Variants in DOCK3 observed in about 807,000 individuals in gnomAD.
The protein encoded by DOCK3 is dedicator of cytokinesis 3, also known as dedicator of cytokinesis protein 3.
A neutral mutation model predicts 265.6 loss-of-function variants in DOCK3; 60 were observed. The ratio of observed to expected loss-of-function variants is 0.23; its 90% CI spans 0.18 to 0.28. The LOEUF is 0.28. Ranked by LOEUF, DOCK3 falls within the 10% of genes least tolerant of loss-of-function variation. The probability of loss-of-function intolerance (pLI) is 1.00; values close to 1 mark genes in which losing one functional copy is unlikely to be tolerated. For synonymous variants in DOCK3, 881 were observed against 938.0 expected (o/e 0.94, Z 1.11); for missense variants, 1,981 against 2,594.3 (o/e 0.76, Z 5.14).
chr3:50,723,441 C>T (rs1401325634), intron 1 of DOCK3, among the ~76,000 whole-genome samples: 5 of 151,960 alleles, frequency 3.3e-5, no homozygotes, highest in Non-Finnish European at 5.9e-5. Flanking sequence ...GAGGCTGAGG[C>T]GGGGGGATCA....
At position 51,121,149 on chromosome 3, in the gene DOCK3, G is replaced by C. The variant is rs570877187; in HGVS notation, c.747-25400G>C. On this transcript the variant is annotated intron_variant, in intron 9 of 52. Transcript: ENST00000266037. The stretch of plus-strand genomic sequence containing the variant: ...GGCATCCGTGGGAATCTTCTAGTCT[G>C]TGTGTTGCAAAGACCATAGGAAAAG... Among the ~76,000 whole-genome samples, 13 of 152,310 alleles carry C rather than the reference G, an allele frequency of 8.5e-5. No homozygotes were observed. The East Asian group carries it at 2.3e-3, about 27-fold the overall frequency.
intron 32 of DOCK3, among the ~76,000 whole-genome samples, chr3:51,320,182 G>A (rs2083612081): frequency 6.6e-6 from 1 of 152,160 alleles, no homozygotes; most frequent in Admixed American, 6.5e-5. Context: ...AGCCAAAGCA[G>A]GGTGGGGCAT....
At chr3:50,994,589 A>C (rs1456392537) in intron 5 of DOCK3, among the ~76,000 whole-genome samples, 1 of 152,222 alleles carries the variant, frequency 6.6e-6, no homozygotes, top group Non-Finnish European at 1.5e-5. Context: ...TATGTCAAAA[A>C]ATGGGGATGA....
chr3:50,942,936 A>C (rs1392038151), intron 5 of DOCK3, among the ~76,000 whole-genome samples: 1 of 152,036 alleles, frequency 6.6e-6, no homozygotes, highest in African/African-American at 2.4e-5. Context: ...AAATGAGTGG[A>C]AAATATTCCA....
At position 50,863,344 on chromosome 3, in the gene DOCK3, G is replaced by A. The variant is rs1208290721; in HGVS notation, c.162+21629G>A. On this transcript the variant is annotated intron_variant, in intron 3 of 52. Coordinates refer to ENST00000266037, the MANE Select transcript of DOCK3 (RefSeq NM_004947.5). ...TCTGAGGGGAATGCAGATAGCCTGT[G>A]TGAGCTGGCTACCCGGTTCTTTGTG... The A allele has an allele frequency of 5.2e-5, 26 of 504,148 alleles. 1 individual carries two copies. Among genetic ancestry groups the A allele is most frequent in the Non-Finnish European group, 8.7e-5 (22 of 252,570 alleles). 31.2% of individuals were successfully genotyped at this position (504,148 alleles called of 1,614,324 possible).
At chr3:51,074,041 A>C (rs2081973051) in intron 6 of DOCK3, among the ~76,000 whole-genome samples, 2 of 152,220 alleles carry the variant, frequency 1.3e-5, no homozygotes, top group African/African-American at 4.8e-5. Flanking sequence ...GAGCTTATAG[A>C]TTTAGCTGTG....
intron 2 of DOCK3, among the ~76,000 whole-genome samples, chr3:50,809,658 C>A (rs912340948): frequency 2.0e-5 from 3 of 152,066 alleles, no homozygotes; most frequent in Non-Finnish European, 4.4e-5. Context: ...TGTTCATCAG[C>A]AGTAGAATGG....
At chr3:50,988,033 A>G (rs2077965608) in intron 5 of DOCK3, among the ~76,000 whole-genome samples, 1 of 152,188 alleles carries the variant, frequency 6.6e-6, no homozygotes, top group Admixed American at 6.5e-5. Context: ...CTAAGCAGTG[A>G]CAGTCTGCAG....
intron 5 of DOCK3, among the ~76,000 whole-genome samples, chr3:51,034,783 T>C (rs989101368): frequency 6.6e-6 from 1 of 152,092 alleles, no homozygotes; most frequent in African/African-American, 2.4e-5. Context: ...AGTTTGGTGA[T>C]GTCTCTCAGT....
chr3:51,123,320 C>G (rs1576159128), intron 9 of DOCK3, among the ~76,000 whole-genome samples: 1 of 152,186 alleles, frequency 6.6e-6, no homozygotes, highest in Non-Finnish European at 1.5e-5. Context: ...ACTGGCCTTA[C>G]CTGCCCTACC....
At chr3:51,373,436 C>T (rs2087840558) in intron 49 of DOCK3, among the ~76,000 whole-genome samples, 1 of 152,188 alleles carries the variant, frequency 6.6e-6, no homozygotes, top group Admixed American at 6.5e-5. Flanking sequence ...TCCGATTCCC[C>T]CAGTGGTTTC....
intron 4 of DOCK3, among the ~76,000 whole-genome samples, chr3:50,907,533 T>G (rs1258718525): frequency 2.0e-5 from 3 of 152,104 alleles, no homozygotes; most frequent in East Asian, 3.8e-4. Context: ...TTTTTGATCT[T>G]TGTTGGTTTA....
At chr3:51,074,466 G>A (rs892166484) in intron 6 of DOCK3, among the ~76,000 whole-genome samples, 1 of 152,172 alleles carries the variant, frequency 6.6e-6, no homozygotes, top group African/African-American at 2.4e-5. Context: ...CTGCCCCAAA[G>A]ATCCTCCAAA....
At chr3:51,101,258 C>T (rs1243391165) in intron 9 of DOCK3, among the ~76,000 whole-genome samples, 8 of 151,842 alleles carry the variant, frequency 5.3e-5, no homozygotes, top group African/African-American at 1.5e-4. Flanking sequence ...GTAGCTGGGA[C>T]TACAGGCGCC....
At chr3:51,124,079 A>T in intron 9 of DOCK3, among the ~76,000 whole-genome samples, 1 of 152,148 alleles carries the variant, frequency 6.6e-6, no homozygotes, top group East Asian at 1.9e-4. Flanking sequence ...GGAGATGAGG[A>T]ATGCCTGTAC....
chr3:51,277,458 G>A (rs973462001), intron 25 of DOCK3, 150 bp from the exon 26 acceptor site: 1 of 1,004,426 alleles, frequency 1.0e-6, no homozygotes, highest in Non-Finnish European at 1.4e-6. Context: ...CATTGTCCTG[G>A]GTGCCTTGAC....
chr3:51,249,382 T>G (rs1416691499), intron 22 of DOCK3, among the ~76,000 whole-genome samples: 3 of 99,956 alleles, frequency 3.0e-5, no homozygotes, highest in Non-Finnish European at 4.1e-5. Context: ...GGTGGGGGGG[T>G]TAGCCCCCCG....
chr3:50,755,321 T>C (rs554997620), intron 1 of DOCK3, among the ~76,000 whole-genome samples: 11 of 152,348 alleles, frequency 7.2e-5, no homozygotes, highest in African/African-American at 2.2e-4. Flanking sequence ...CTTGCATTTT[T>C]GTAAGCTTTG....
At chr3:51,028,266 C>T (rs2079901388) in intron 5 of DOCK3, among the ~76,000 whole-genome samples, 1 of 152,032 alleles carries the variant, frequency 6.6e-6, no homozygotes, top group African/African-American at 2.4e-5. Flanking sequence ...TCTCTTCTGG[C>T]TTATAAGGTT....
Sources: gnomAD v4.1 joint callset for allele counts (sites outside exome capture counted in the v4.1 genomes callset) on GRCh38, gnomAD v4.1.1 for gene constraint, MANE v1.5 for transcripts, NCBI Gene and HGNC (gene_info 2026-07-23, HGNC 2026-07-21) for gene names.